CTNNA3: variants seen among roughly 807,000 people sequenced by gnomAD.
The protein encoded by CTNNA3 is catenin alpha 3.
CTNNA3 carries 76 observed loss-of-function variants against 95.7 expected under a neutral mutation model. That is an observed-to-expected ratio of 0.79 (90% CI 0.66 to 0.96). CTNNA3 has a LOEUF of 0.96. Among genes scored for constraint, CTNNA3 ranks in the 40% least tolerant of loss-of-function variants. CTNNA3 has a pLI of 0.00. For missense variants in CTNNA3, 1,191 were observed against 1,089.8 expected, an observed-to-expected ratio of 1.09 and a Z score of -1.31; for synonymous variants, 431 against 374.4, an observed-to-expected ratio of 1.15 and a Z score of -1.74.
chr10:66,444,830 C>G (rs1195593656), intron 11 of CTNNA3, among the ~76,000 whole-genome samples: 3 of 152,048 alleles, frequency 2.0e-5, no homozygotes, highest in Non-Finnish European at 4.4e-5. Flanking sequence ...TAACACTTAA[C>G]TTTAAATGTA....
intron 7 of CTNNA3, among the ~76,000 whole-genome samples, chr10:66,999,228 A>G (rs1370904299): frequency 2.6e-5 from 4 of 152,146 alleles, no homozygotes; most frequent in Non-Finnish European, 5.9e-5. Flanking sequence ...ACATGATTTT[A>G]TGCATTAAAA....
At chr10:67,344,563 G>A (rs1441993863) in intron 5 of CTNNA3, among the ~76,000 whole-genome samples, 3 of 151,818 alleles carry the variant, frequency 2.0e-5, no homozygotes, top group African/African-American at 4.8e-5. Flanking sequence ...TTTCTTCATG[G>A]TTCAATCTTG....
chr10:66,343,981 C>T (rs945608740), intron 12 of CTNNA3, among the ~76,000 whole-genome samples: 5 of 151,730 alleles, frequency 3.3e-5, no homozygotes, highest in Admixed American at 2.0e-4. Context: ...AATCTGAGCA[C>T]TTTGGGAGGG....
chr10:66,933,991 AT>A (rs1847552307), intron 7 of CTNNA3, among the ~76,000 whole-genome samples: 1 of 152,120 alleles, frequency 6.6e-6, no homozygotes, highest in South Asian at 2.1e-4. Flanking sequence ...GTTTTCTGAC[AT>A]TTTAACTTCA....
chr10:67,754,885 G>T (rs1841424778), intron 1 of CTNNA3, among the ~76,000 whole-genome samples: 1 of 151,650 alleles, frequency 6.6e-6, no homozygotes, highest in Non-Finnish European at 1.5e-5. Flanking sequence ...CAAAAGAGCT[G>T]AATAGACATT....
chr10:66,976,141 A>G (rs1850016316), intron 7 of CTNNA3, among the ~76,000 whole-genome samples: 1 of 152,174 alleles, frequency 6.6e-6, no homozygotes, highest in Admixed American at 6.5e-5. Flanking sequence ...GCCTTTGTAA[A>G]ACATATGTTC....
At chr10:66,389,773 C>G (rs2092922111) in intron 11 of CTNNA3, among the ~76,000 whole-genome samples, 1 of 151,386 alleles carries the variant, frequency 6.6e-6, no homozygotes, top group Non-Finnish European at 1.5e-5. Context: ...AGGTCTCCTT[C>G]TATCACCCAG....
At chr10:66,683,273 A>C (rs1847130979) in intron 9 of CTNNA3, among the ~76,000 whole-genome samples, 1 of 152,208 alleles carries the variant, frequency 6.6e-6, no homozygotes, top group South Asian at 2.1e-4. Flanking sequence ...AGTCTTTGGG[A>C]ATAAAGCTGG....
Position 67,606,849 on chromosome 10 carries a change from G to A in CTNNA3, c.292+8C>T. 6.2e-7 allele frequency: 1 copy of A among 1,608,136 alleles called. No individual in the cohort carries two copies. The highest frequency in any genetic ancestry group is 8.5e-7 in the Non-Finnish European group (1 of 1,175,566). ...CAGTTTGCTCCTGACCAGGATTGGA[G>A]TACTCACTTTCTTTGCGAACTTCCT... On this transcript the variant is annotated splice_region_variant and intron_variant, in intron 3 of 17. Transcript: ENST00000433211.
chr10:67,038,148 A>C, intron 7 of CTNNA3, among the ~76,000 whole-genome samples: 1 of 152,150 alleles, frequency 6.6e-6, no homozygotes, highest in East Asian at 1.9e-4. Context: ...AGAGCAAGTT[A>C]TTATATTTAT....
intron 13 of CTNNA3, among the ~76,000 whole-genome samples, chr10:66,165,540 GTCA>G (rs143284695): frequency 0.01 from 1,528 of 152,074 alleles, 34 homozygotes; most frequent in African/African-American, 0.035. Context: ...GTGTTGGTTA[GTCA>G]TCATTTCTAA....
intron 9 of CTNNA3, among the ~76,000 whole-genome samples, chr10:66,742,319 G>T (rs1310162258): frequency 6.6e-6 from 1 of 152,024 alleles, no homozygotes; most frequent in African/African-American, 2.4e-5. Context: ...AATAAATTTT[G>T]GTCAGACCAG....
At chr10:66,446,144 T>G (rs763973410) in intron 11 of CTNNA3, among the ~76,000 whole-genome samples, 2 of 152,168 alleles carry the variant, frequency 1.3e-5, no homozygotes, top group Non-Finnish European at 1.5e-5. Flanking sequence ...AATCTCTGAA[T>G]AGACTAATAA....
intron 1 of CTNNA3, among the ~76,000 whole-genome samples, chr10:67,723,135 C>T (rs148428982): frequency 0.055 from 8,376 of 151,732 alleles, 252 homozygotes; most frequent in South Asian, 0.1. Context: ...TACAGACACG[C>T]GCCACCACAC....
chr10:67,380,020 C>CAAAAAAAA (rs10591803), intron 5 of CTNNA3, among the ~76,000 whole-genome samples: 4 of 74,086 alleles, frequency 5.4e-5, no homozygotes, highest in Non-Finnish European at 1.0e-4. Context: ...GACTCCGTCT[C>CAAAAAAAA]AAAAAAAAAA....
chr10:66,668,422 A>ATGTGTGTGTGTGTG (rs3055580), intron 9 of CTNNA3, among the ~76,000 whole-genome samples: 11 of 146,984 alleles, frequency 7.5e-5, no homozygotes, highest in African/African-American at 2.8e-4. Flanking sequence ...CAACTCTCAT[A>ATGTGTGTGTGTGTG]TGTGTGTGTG....
At chr10:66,948,038 G>GTAT (rs1240752685) in intron 7 of CTNNA3, among the ~76,000 whole-genome samples, 1 of 152,200 alleles carries the variant, frequency 6.6e-6, no homozygotes, top group Non-Finnish European at 1.5e-5. Context: ...TAACACAATG[G>GTAT]TATTTGTGTA....
At chr10:67,062,538 C>T (rs1026940297) in intron 7 of CTNNA3, among the ~76,000 whole-genome samples, 3 of 151,896 alleles carry the variant, frequency 2.0e-5, no homozygotes, top group African/African-American at 7.3e-5. Flanking sequence ...TGTGTGTCTG[C>T]GTGTAGATAT....
intron 7 of CTNNA3, among the ~76,000 whole-genome samples, chr10:66,962,440 T>C (rs1162522418): frequency 6.6e-6 from 1 of 151,406 alleles, no homozygotes. Flanking sequence ...AGACAGAGTC[T>C]CACTCTGTCG....
Sources: gnomAD v4.1 joint callset for allele counts (sites outside exome capture counted in the v4.1 genomes callset) on GRCh38, gnomAD v4.1.1 for gene constraint, MANE v1.5 for transcripts, NCBI Gene and HGNC (gene_info 2026-07-23, HGNC 2026-07-21) for gene names.